MECR: variants seen among roughly 807,000 people sequenced by gnomAD.
The protein encoded by MECR is mitochondrial trans-2-enoyl-CoA reductase.
MECR carries 37 observed loss-of-function variants against 49.1 expected under a neutral mutation model. That is an observed-to-expected ratio of 0.75 (90% CI 0.58 to 0.99). The LOEUF (loss-of-function observed/expected upper bound fraction) is 0.99. Among genes scored for constraint, MECR ranks in the 50% least tolerant of loss-of-function variants. The pLI is 0.00. For synonymous variants in MECR, 198 were observed against 191.1 expected (o/e 1.04, Z -0.30); for missense variants, 470 against 479.6 (o/e 0.98, Z 0.19).
chr1:29,214,525 C>T (rs1268419551), intron 3 of MECR, among the ~76,000 whole-genome samples: 8 of 151,480 alleles, frequency 5.3e-5, no homozygotes, highest in African/African-American at 1.7e-4. Flanking sequence ...CCACACCCGG[C>T]TAATTTTTTT....
the MECR span, among the ~76,000 whole-genome samples, chr1:29,180,894 G>A: frequency 1.3e-5 from 2 of 152,210 alleles, no homozygotes; most frequent in African/African-American, 4.8e-5. Context: ...TTAACCAGAC[G>A]CAGATACTAG....
intron 3 of MECR, among the ~76,000 whole-genome samples, chr1:29,211,181 A>G (rs1677934977): frequency 6.7e-6 from 1 of 150,054 alleles, no homozygotes; most frequent in East Asian, 1.9e-4. Flanking sequence ...GTCTCGAGCT[A>G]TCCTTCCATG....
chr1:29,227,930 A>C (rs543394128), intron 1 of MECR, among the ~76,000 whole-genome samples: 81 of 152,330 alleles, frequency 5.3e-4, no homozygotes, highest in African/African-American at 1.9e-3. Flanking sequence ...CTTGTCTGAC[A>C]ATCTGTATCC....
the MECR span, among the ~76,000 whole-genome samples, chr1:29,186,567 C>T: frequency 1.5e-4 from 23 of 152,214 alleles, no homozygotes; most frequent in Non-Finnish European, 2.6e-4. Context: ...ACATAAAGAG[C>T]GTTTAAAATA....
chr1:29,184,838 G>A, the MECR span, among the ~76,000 whole-genome samples: 1 of 151,816 alleles, frequency 6.6e-6, no homozygotes, highest in Non-Finnish European at 1.5e-5. Context: ...AAACTACTGG[G>A]CTCAGGCCAG....
Position 29,203,141 on chromosome 1 carries a change from C to T in MECR, c.643G>A (p.Val215Ile). Reference sequence around the variant, plus strand: ...TCCTTCCCCACGCACCTGTCTCGGACCACATTGATGGTTCTTAGGCCCAGG... The same window carrying T: ...TCCTTCCCCACGCACCTGTCTCGGATCACATTGATGGTTCTTAGGCCCAGG... ...AALGLRTINV[V>I]RDRPDIQKLS... The change falls in exon 5 of 10, where the codon GTC becomes ATC. Residue 215 changes from valine (V) to isoleucine (I), a missense_variant. Val to Ile is a conservative substitution (Grantham distance 29). Transcript: ENST00000263702. 1 of 1,576,134 alleles carries T rather than the reference C, an allele frequency of 6.3e-7. No individual in the cohort carries two copies. The highest frequency in any genetic ancestry group is 1.2e-5 in the South Asian group (1 of 86,830).
At chr1:29,205,103 C>T (rs544840087) in intron 4 of MECR, among the ~76,000 whole-genome samples, 3 of 152,196 alleles carry the variant, frequency 2.0e-5, no homozygotes, top group Non-Finnish European at 2.9e-5. Flanking sequence ...GCCCTTAGGG[C>T]GACCCTTAAA....
At chr1:29,221,034 G>C (rs139316764) in intron 1 of MECR, 8 of 449,344 alleles carry the variant, frequency 1.8e-5, no homozygotes, top group African/African-American at 1.7e-4. Context: ...ACTGTGCCAA[G>C]GGGTTTCATG....
intron 1 of MECR, chr1:29,223,084 G>A: frequency 2.0e-6 from 2 of 985,330 alleles, no homozygotes; most frequent in South Asian, 9.4e-5. Context: ...ATGTTTTGGA[G>A]TACAAATGAG....
the MECR span, chr1:29,170,725 G>T: frequency 6.6e-6 from 1 of 152,016 alleles, no homozygotes; most frequent in Non-Finnish European, 1.5e-5. Flanking sequence ...CTGGTCTGTG[G>T]TTCCTGACTC....
At chr1:29,176,048 C>T in the MECR span, among the ~76,000 whole-genome samples, 1 of 152,018 alleles carries the variant, frequency 6.6e-6, no homozygotes, top group Non-Finnish European at 1.5e-5. Flanking sequence ...GTCAGGAGAT[C>T]AAGACCATCC....
intron 1 of MECR, 121 bp from the exon 2 acceptor site, chr1:29,216,806 T>C (rs888040072): frequency 7.1e-6 from 11 of 1,552,512 alleles, no homozygotes; most frequent in Non-Finnish European, 9.6e-6. Context: ...GCCCAGGAAT[T>C]ACGGTTCTGT....
At chr1:29,216,514 C>G in intron 2 of MECR, 74 bp downstream of exon 2, 1 of 1,442,348 alleles carries the variant, frequency 6.9e-7, no homozygotes, top group Non-Finnish European at 9.7e-7. Flanking sequence ...ACACCCACAC[C>G]TGAGGAGGAA....
intron 1 of MECR, chr1:29,224,429 G>T (rs2151914859): frequency 6.6e-6 from 1 of 152,288 alleles, no homozygotes; most frequent in African/African-American, 2.4e-5. Flanking sequence ...ACAACCATTG[G>T]TGAGCAGGCA....
At chr1:29,178,776 TACTC>T in the MECR span, among the ~76,000 whole-genome samples, 1 of 152,258 alleles carries the variant, frequency 6.6e-6, no homozygotes, top group Non-Finnish European at 1.5e-5. Flanking sequence ...TTTTCTTTTG[TACTC>T]ACTCCTTCCT....
intron 7 of MECR, among the ~76,000 whole-genome samples, chr1:29,196,760 T>G (rs1674096357): frequency 6.6e-6 from 1 of 151,938 alleles, no homozygotes; most frequent in Admixed American, 6.6e-5. Flanking sequence ...TACCAGCACT[T>G]TGGGAGGCCA....
At chr1:29,183,965 C>T in the MECR span, among the ~76,000 whole-genome samples, 207 of 151,172 alleles carry the variant, frequency 1.4e-3, 2 homozygotes, top group Non-Finnish European at 2.6e-3. Context: ...CTGCAACCTA[C>T]GCCTTCTGGG....
At chr1:29,171,948 G>C in the MECR span, 1 of 152,126 alleles carries the variant, frequency 6.6e-6, no homozygotes, top group Non-Finnish European at 1.5e-5. Context: ...ACAAACTGAA[G>C]GGACCAAGAA....
intron 3 of MECR, among the ~76,000 whole-genome samples, chr1:29,211,279 G>A (rs944343617): frequency 2.6e-5 from 4 of 152,168 alleles, no homozygotes; most frequent in African/African-American, 9.7e-5. Context: ...AAGTTGCCCA[G>A]GCCATTCTTG....
Sources: allele counts gnomAD v4.1 joint callset (sites outside exome capture counted in the v4.1 genomes callset), GRCh38; gene constraint gnomAD v4.1.1; transcripts MANE v1.5; gene names NCBI Gene and HGNC (gene_info 2026-07-23, HGNC 2026-07-21).